C10orf90: variants seen among roughly 807,000 people sequenced by gnomAD.
C10orf90 encodes the protein (E2-independent) E3 ubiquitin-conjugating enzyme FATS.
A neutral mutation model predicts 62.5 loss-of-function variants in C10orf90; 56 were observed. The observed-to-expected ratio is 0.90, with a 90% confidence interval of 0.72 to 1.12. The LOEUF (loss-of-function observed/expected upper bound fraction) is 1.12. C10orf90 is among the 50% of genes most tolerant of loss of function. C10orf90 has a pLI of 0.00. For missense variants in C10orf90, 970 were observed against 880.4 expected, an observed-to-expected ratio of 1.10 and a Z score of -1.29; for synonymous variants, 386 against 340.4, an observed-to-expected ratio of 1.13 and a Z score of -1.47.
At chr10:126,561,626 G>A (rs974127791) in intron 2 of C10orf90, among the ~76,000 whole-genome samples, 29 of 152,228 alleles carry the variant, frequency 1.9e-4, no homozygotes, top group Admixed American at 1.9e-3. Context: ...GTGCAATGAG[G>A]TTTGGATGTG....
In C10orf90 at chr10:126,459,134, C is replaced by T; in HGVS notation, c.2094G>A (p.Arg698=). 6.2e-6 allele frequency: 10 copies of T among 1,614,202 alleles called. No homozygotes were observed. Among genetic ancestry groups the T allele is most frequent in the Non-Finnish European group, 8.5e-6 (10 of 1,180,046 alleles). Residue 698 remains arginine, a synonymous_variant, in exon 7 of 10, where the codon AGG becomes AGA. Transcript: ENST00000488181. ...TCAGGTCCTCCTTCCGCTGGGCTTTCCTCTGCTGGACCATGTGTTCAAGCT... is the reference window on the plus strand; with the variant it reads ...TCAGGTCCTCCTTCCGCTGGGCTTTTCTCTGCTGGACCATGTGTTCAAGCT... ...LKKLEHMVQQ[R]KAQRKEDLRQ...
intron 2 of C10orf90, among the ~76,000 whole-genome samples, chr10:126,638,550 T>C (rs1261207803): frequency 6.6e-6 from 1 of 152,064 alleles, no homozygotes; most frequent in African/African-American, 2.4e-5. Context: ...CTCCTCTACA[T>C]CTTCTCTCTC....
At chr10:126,470,967 G>A (rs1031779011) in intron 4 of C10orf90, among the ~76,000 whole-genome samples, 4 of 152,066 alleles carry the variant, frequency 2.6e-5, no homozygotes, top group Admixed American at 6.6e-5. Context: ...GTATTTCACC[G>A]CATCCAGACT....
intron 1 of C10orf90, among the ~76,000 whole-genome samples, chr10:126,662,890 C>A (rs928077413): frequency 6.6e-6 from 1 of 151,670 alleles, no homozygotes; most frequent in Non-Finnish European, 1.5e-5. Context: ...TTGCTGAGTT[C>A]TCTGGATCCA....
intron 2 of C10orf90, among the ~76,000 whole-genome samples, chr10:126,642,257 G>C (rs1456949187): frequency 6.6e-6 from 1 of 152,186 alleles, no homozygotes; most frequent in South Asian, 2.1e-4. Context: ...ACAAGGCTGG[G>C]TGCGGTGGCT....
intron 1 of C10orf90, among the ~76,000 whole-genome samples, chr10:126,657,219 G>T (rs544217991): frequency 1.3e-5 from 2 of 152,218 alleles, no homozygotes; most frequent in South Asian, 4.1e-4. Context: ...AATTGAGCAC[G>T]TTCACAATTT....
intron 4 of C10orf90, among the ~76,000 whole-genome samples, chr10:126,489,986 T>A (rs1465008166): frequency 2.7e-5 from 3 of 111,114 alleles, no homozygotes; most frequent in African/African-American, 1.1e-4. Context: ...ATAATATATA[T>A]ATAATATATA....
chr10:126,535,907 A>C (rs1428349279), intron 2 of C10orf90, among the ~76,000 whole-genome samples: 1 of 152,166 alleles, frequency 6.6e-6, no homozygotes, highest in East Asian at 1.9e-4. Context: ...TCTCTTCTCC[A>C]AGAACCATCT....
chr10:126,641,049 C>G (rs747540553), intron 2 of C10orf90, among the ~76,000 whole-genome samples: 6 of 152,124 alleles, frequency 3.9e-5, no homozygotes, highest in African/African-American at 9.7e-5. Context: ...AAAATTAGAG[C>G]CTTCCTAAAA....
Position 126,504,455 on chromosome 10 carries a change from T to A in C10orf90, c.1036A>T (p.Ser346Cys). Residue 346 changes from serine (S) to cysteine (C), a missense_variant, in exon 4 of 10, where the codon AGT becomes TGT. By Grantham distance (112) the Ser-to-Cys change is moderately radical (BLOSUM62 -1). Coordinates refer to ENST00000488181, the MANE Select transcript of C10orf90 (RefSeq NM_001350921.2). The surrounding 1 kb of genome is among the most constrained non-coding windows in gnomAD (Gnocchi z 4.1). ...PLSGKSPLVF[S>C]SCVHLRVSQQ... ...GACACCCTGAGGTGGACACAGGAAC[T>A]GAACACCAGCGGGCTCTTTCCTGAC... 1 of 1,614,228 alleles carries A rather than the reference T, an allele frequency of 6.2e-7. No homozygotes were observed. Among genetic ancestry groups the A allele is most frequent in the Non-Finnish European group, 8.5e-7 (1 of 1,180,042 alleles).
In C10orf90 at chr10:126,634,377, A is replaced by G. The variant is rs114448103; in HGVS notation, c.313+12188T>C. Among the ~76,000 whole-genome samples, 729 of 152,350 alleles carry G rather than the reference A, an allele frequency of 4.8e-3. 5 individuals are homozygous for G. Among genetic ancestry groups the G allele is most frequent in the African/African-American group, 0.017 (694 of 41,578 alleles). On this transcript the variant is annotated intron_variant, in intron 2 of 9. Coordinates refer to ENST00000488181, the MANE Select transcript of C10orf90 (RefSeq NM_001350921.2). ...GAACAAAGCCAGACACAAAAGGACC[A>G]ATACTATATTATTCCACTGATATGA... is the stretch of plus-strand genomic sequence containing the variant.
At chr10:126,636,543 T>C (rs1591163557) in intron 2 of C10orf90, among the ~76,000 whole-genome samples, 1 of 152,344 alleles carries the variant, frequency 6.6e-6, no homozygotes, top group Middle Eastern at 3.4e-3. Context: ...GTGTTTTGTT[T>C]GGCAGTTGCT....
chr10:126,650,783 C>T (rs1396906748), intron 1 of C10orf90, among the ~76,000 whole-genome samples: 1 of 152,168 alleles, frequency 6.6e-6, no homozygotes, highest in Non-Finnish European at 1.5e-5. Flanking sequence ...TATAACAAAA[C>T]TCAGGCCCAG....
rs73386864 is a variant in C10orf90, at chr10:126,608,612, T to C, written c.313+37953A>G. Among the ~76,000 whole-genome samples the C allele has an allele frequency of 6.0e-3, 920 of 152,332 alleles. 8 individuals carry two copies. The highest frequency in any genetic ancestry group is 0.021 in the African/African-American group (886 of 41,568). ...TTTCCAGCTACATACCTGAGTGATG[T>C]CTGATTTTCTTCATATATTTCAATC... On this transcript the variant is annotated intron_variant, in intron 2 of 9. Transcript: ENST00000488181.
chr10:126,436,676 T>A (rs2134006857), intron 7 of C10orf90, among the ~76,000 whole-genome samples: 1 of 152,246 alleles, frequency 6.6e-6, no homozygotes, highest in Non-Finnish European at 1.5e-5. Context: ...AACTTTTCTT[T>A]TTTGAGCCAG....
At chr10:126,521,352 A>G (rs1863732866) in intron 2 of C10orf90, 3 of 1,613,974 alleles carry the variant, frequency 1.9e-6, no homozygotes, top group Non-Finnish European at 1.7e-6. Context: ...CATTTTACTC[A>G]GTTTCAAAGG....
chr10:126,607,177 TACTTATAC>T (rs1437159059), intron 2 of C10orf90, among the ~76,000 whole-genome samples: 1 of 152,202 alleles, frequency 6.6e-6, no homozygotes, highest in Non-Finnish European at 1.5e-5. Context: ...AACACAGTAT[TACTTATAC>T]ACTTAAACAA....
intron 4 of C10orf90, among the ~76,000 whole-genome samples, chr10:126,495,089 T>C (rs1046406134): frequency 6.6e-6 from 1 of 152,232 alleles, no homozygotes. Flanking sequence ...CCATGGTGCT[T>C]CTGCTAGGTT....
intron 4 of C10orf90, among the ~76,000 whole-genome samples, chr10:126,491,110 C>A (rs1270369607): frequency 6.6e-6 from 1 of 152,056 alleles, no homozygotes; most frequent in African/African-American, 2.4e-5. Flanking sequence ...ATAAATTTTG[C>A]AAAATATGTA....
Sources: allele counts gnomAD v4.1 joint callset (sites outside exome capture counted in the v4.1 genomes callset), GRCh38; gene constraint gnomAD v4.1.1; non-coding constraint Gnocchi (gnomAD v3.1); transcripts MANE v1.5; gene names NCBI Gene and HGNC (gene_info 2026-07-23, HGNC 2026-07-21).